Variants in RYR2 observed in about 807,000 individuals in gnomAD.
RYR2 encodes ryanodine receptor 2.
RYR2 carries 227 observed loss-of-function variants against 601.1 expected under a neutral mutation model. That is an observed-to-expected ratio of 0.38 (90% CI 0.34 to 0.42). The LOEUF is 0.42. Ranked by LOEUF, RYR2 falls within the 10% of genes least tolerant of loss-of-function variation. The probability of loss-of-function intolerance (pLI) is 1.00; values close to 1 mark genes in which losing one functional copy is unlikely to be tolerated. For missense variants in RYR2, 4,646 were observed against 6,156.5 expected (o/e 0.75, Z 8.21); for synonymous variants, 2,223 against 2,175.1 (o/e 1.02, Z -0.61).
chr1:237,374,780 C>G lies in RYR2; in HGVS notation c.448C>G (p.Gln150Glu). ...TAAGCTGGCTTTTGATGTTGGCTTGCAAGAGGACACCACAGGTAAGCATCT... is the reference window on the plus strand; with the variant it reads ...TAAGCTGGCTTTTGATGTTGGCTTGGAAGAGGACACCACAGGTAAGCATCT... ...TDKLAFDVGL[Q>E]EDTTGEACWW... The change falls in exon 7 of 105, where the codon CAA becomes GAA. Residue 150 changes from glutamine (Q) to glutamate (E), a missense_variant. By Grantham distance (29) the Gln-to-Glu change is conservative. Coordinates refer to ENST00000366574, the MANE Select transcript of RYR2 (RefSeq NM_001035.3). The G allele has an allele frequency of 6.2e-7, 1 of 1,612,218 alleles. No individual in the cohort carries two copies. The highest frequency in any genetic ancestry group is 1.1e-5 in the South Asian group (1 of 90,582).
At chr1:237,423,003 T>A in intron 11 of RYR2, 89 bp from the exon 12 acceptor site, 1 of 1,422,500 alleles carries the variant, frequency 7.0e-7, no homozygotes, top group Middle Eastern at 1.8e-4. Context: ...ACAATATATA[T>A]GACTGTTCAT....
intron 35 of RYR2, among the ~76,000 whole-genome samples, chr1:237,604,322 A>G (rs547752187): frequency 3.3e-5 from 5 of 152,322 alleles, no homozygotes; most frequent in South Asian, 2.1e-4. Flanking sequence ...CTGAATGACT[A>G]TGGGGTACAT....
chr1:237,635,161 A>G (rs1430642791), intron 44 of RYR2, among the ~76,000 whole-genome samples, 169 bp downstream of exon 44: 4 of 152,244 alleles, frequency 2.6e-5, no homozygotes, highest in African/African-American at 7.2e-5. Flanking sequence ...TTCTAGTGCT[A>G]TTAGAATTAA....
Position 237,667,891 on chromosome 1 carries a change from A to C in RYR2, c.8523A>C (p.Ala2841=), listed in dbSNP as rs1421947525. 6.3e-7 allele frequency: 1 copy of C among 1,581,604 alleles called. No homozygotes were observed. The highest frequency in any genetic ancestry group is 8.6e-7 in the Non-Finnish European group (1 of 1,162,992). Residue 2841 remains alanine (A), a synonymous_variant, in exon 58 of 105, where the codon GCA becomes GCC. Transcript: ENST00000366574. ...ATTTTTGTTCATTTAAGGCTATGGC[A>C]GAAATGATGGCTGAAAACTACCATA... is the stretch of plus-strand genomic sequence containing the variant. ...VTLSRDLHAM[A]EMMAENYHNI...
intron 1 of RYR2, among the ~76,000 whole-genome samples, chr1:237,190,361 A>G (rs931071073): frequency 8.5e-5 from 13 of 152,154 alleles, no homozygotes; most frequent in African/African-American, 2.9e-4. Flanking sequence ...TTATTGAGGT[A>G]TTGAGCGTCT....
chr1:237,273,660 C>CT lies in RYR2; in HGVS notation c.168+3047dup, dbSNP rs759632721. ...TTATAAAAATTCAACTTCCTGATTG[C>CT]TTTATAGATGTAGTCTAAAAGTAAA... On this transcript the variant is annotated intron_variant, in intron 2 of 104. Transcript: ENST00000366574. Among the ~76,000 whole-genome samples the CT allele has an allele frequency of 2.0e-5, 3 of 152,012 alleles. No individual in the cohort carries two copies. In the East Asian group the frequency reaches 5.8e-4, roughly 29 times the overall value.
rs1411618203 is a variant in RYR2 at position 237,609,019 on chromosome 1, C to T, written c.4684-1743C>T. 3.3e-5 allele frequency among the ~76,000 whole-genome samples: 5 copies of T among 150,984 alleles called. No homozygotes were observed. The East Asian group carries it at 9.8e-4, about 29-fold the overall frequency. The stretch of plus-strand genomic sequence containing the variant: ...TCTTCTTCTCTTCTCCCTCTCCCTC[C>T]CTCCTTCCCTCCCTCCCTTCCTTCC... On this transcript the variant is annotated intron_variant, in intron 35 of 104. Transcript: ENST00000366574.
intron 29 of RYR2, among the ~76,000 whole-genome samples, chr1:237,583,780 T>G (rs918472634): frequency 2.0e-5 from 3 of 152,212 alleles, no homozygotes; most frequent in Admixed American, 6.5e-5. Context: ...AACAGAGATT[T>G]CAAGCCTGTA....
At chr1:237,720,530 AT>A (rs1272008504) in intron 73 of RYR2, among the ~76,000 whole-genome samples, 1 of 152,196 alleles carries the variant, frequency 6.6e-6, no homozygotes, top group Non-Finnish European at 1.5e-5. Flanking sequence ...GAATTTGAAC[AT>A]TTTTTTAAAA....
chr1:237,185,077 A>G (rs1457935897), intron 1 of RYR2, among the ~76,000 whole-genome samples: 1 of 151,908 alleles, frequency 6.6e-6, no homozygotes, highest in Non-Finnish European at 1.5e-5. Flanking sequence ...TGTTTCCCAG[A>G]CTGGTCTTGA....
At chr1:237,203,519 C>T (rs1681430065) in intron 1 of RYR2, among the ~76,000 whole-genome samples, 1 of 152,048 alleles carries the variant, frequency 6.6e-6, no homozygotes, top group African/African-American at 2.4e-5. Context: ...TAAAATTCTA[C>T]TTTGGGAATT....
intron 41 of RYR2, among the ~76,000 whole-genome samples, chr1:237,629,948 CAAATATTA>C (rs1400842488): frequency 6.6e-6 from 1 of 152,008 alleles, no homozygotes; most frequent in African/African-American, 2.4e-5. Flanking sequence ...TTGAGAAAAG[CAAATATTA>C]GAGTCTTTAT....
At chr1:237,113,229 C>T (rs569475313) in intron 1 of RYR2, among the ~76,000 whole-genome samples, 1 of 151,826 alleles carries the variant, frequency 6.6e-6, no homozygotes, top group African/African-American at 2.4e-5. Context: ...GATGGAATCT[C>T]ACTCTGTCGC....
chr1:237,764,580 C>T (rs1274026091), intron 84 of RYR2, among the ~76,000 whole-genome samples: 1 of 151,928 alleles, frequency 6.6e-6, no homozygotes, highest in East Asian at 1.9e-4. Flanking sequence ...TCTCAAGTAG[C>T]TGGGATTACA....
intron 2 of RYR2, among the ~76,000 whole-genome samples, chr1:237,304,823 C>G (rs1334261279): frequency 1.3e-5 from 2 of 152,050 alleles, no homozygotes; most frequent in Non-Finnish European, 2.9e-5. Context: ...CCAAAACATA[C>G]AATTTAAGAC....
chr1:237,315,331 TCAAAAC>T (rs1303642999), intron 2 of RYR2, among the ~76,000 whole-genome samples: 1 of 152,160 alleles, frequency 6.6e-6, no homozygotes, highest in Non-Finnish European at 1.5e-5. Context: ...ATGTTTTTTT[TCAAAAC>T]CAGCATAAAC....
At chr1:237,439,936 A>C (rs1449672980) in intron 12 of RYR2, among the ~76,000 whole-genome samples, 1 of 152,180 alleles carries the variant, frequency 6.6e-6, no homozygotes, top group Non-Finnish European at 1.5e-5. Flanking sequence ...GGTTGGTAAA[A>C]GTAGATTAGT....
At chr1:237,466,080 A>T (rs561764522) in intron 16 of RYR2, among the ~76,000 whole-genome samples, 1 of 152,232 alleles carries the variant, frequency 6.6e-6, no homozygotes, top group African/African-American at 2.4e-5. Context: ...GAAAAAATAC[A>T]TATCTATATA....
chr1:237,454,648 C>T, intron 15 of RYR2, 74 bp downstream of exon 15: 1 of 1,488,256 alleles, frequency 6.7e-7, no homozygotes, highest in Non-Finnish European at 9.2e-7. Context: ...GGAAAATTTT[C>T]CATCTATTTT....
Sources: allele counts gnomAD v4.1 joint callset (sites outside exome capture counted in the v4.1 genomes callset), GRCh38; gene constraint gnomAD v4.1.1; transcripts MANE v1.5; gene names NCBI Gene and HGNC (gene_info 2026-07-23, HGNC 2026-07-21).